PALM2AKAP2: variants seen among roughly 807,000 people sequenced by gnomAD.
PALM2AKAP2 encodes the protein PALM2 and AKAP2 fusion, also known as PALM2-AKAP2 fusion protein.
PALM2AKAP2 carries 37 observed loss-of-function variants against 71.5 expected under a neutral mutation model. The ratio of observed to expected loss-of-function variants is 0.52; its 90% CI spans 0.40 to 0.68. The LOEUF (loss-of-function observed/expected upper bound fraction) is 0.68. PALM2AKAP2 is among the 30% of genes least tolerant of loss of function. The probability of loss-of-function intolerance (pLI) is 0.00; values close to 1 mark genes in which losing one functional copy is unlikely to be tolerated. For synonymous variants in PALM2AKAP2, 468 were observed against 478.8 expected, an observed-to-expected ratio of 0.98 and a Z score of 0.29; for missense variants, 1,224 against 1,191.8, an observed-to-expected ratio of 1.03 and a Z score of -0.40.
chr9:110,103,211 CACA>C (rs1473693703), intron 1 of PALM2AKAP2, among the ~76,000 whole-genome samples: 1 of 152,152 alleles, frequency 6.6e-6, no homozygotes, highest in Non-Finnish European at 1.5e-5. Flanking sequence ...TTTGTTTTTT[CACA>C]ACAATAAATT....
chr9:110,034,593 C>T (rs923059601), intron 7 of PALM2AKAP2, among the ~76,000 whole-genome samples: 1 of 149,954 alleles, frequency 6.7e-6, no homozygotes, highest in South Asian at 2.1e-4. Context: ...ACTATCAAGC[C>T]ATATATTCCC....
chr9:109,821,333 A>AAACAAC (rs529697209), intron 1 of PALM2AKAP2, among the ~76,000 whole-genome samples: 2 of 152,224 alleles, frequency 1.3e-5, no homozygotes, highest in African/African-American at 4.8e-5. Flanking sequence ...AATTATAATG[A>AAACAAC]AACAACAACA....
intron 1 of PALM2AKAP2, among the ~76,000 whole-genome samples, chr9:109,793,926 T>G (rs1445251549): frequency 1.3e-5 from 2 of 152,220 alleles, no homozygotes; most frequent in Non-Finnish European, 2.9e-5. Flanking sequence ...GGTGAATAAT[T>G]AAAACAGAGA....
chr9:109,723,711 C>T (rs1828436779), intron 1 of PALM2AKAP2, among the ~76,000 whole-genome samples: 1 of 152,174 alleles, frequency 6.6e-6, no homozygotes, highest in Admixed American at 6.5e-5. Context: ...TTCAGTATGG[C>T]TGAAGTACAC....
chr9:109,650,523 C>A (rs1441092941), intron 1 of PALM2AKAP2, among the ~76,000 whole-genome samples: 1 of 152,146 alleles, frequency 6.6e-6, no homozygotes, highest in African/African-American at 2.4e-5. Flanking sequence ...CTCAAGAGAT[C>A]TTCTTGCCGC....
chr9:109,806,269 G>A (rs1185964936), intron 1 of PALM2AKAP2, among the ~76,000 whole-genome samples: 3 of 152,134 alleles, frequency 2.0e-5, no homozygotes, highest in Non-Finnish European at 4.4e-5. Flanking sequence ...AGTTTTACTA[G>A]TTTAACTCAT....
chr9:109,646,874 G>T (rs1206924840), intron 1 of PALM2AKAP2, among the ~76,000 whole-genome samples: 1 of 152,182 alleles, frequency 6.6e-6, no homozygotes, highest in Non-Finnish European at 1.5e-5. Flanking sequence ...CGTGTGCTCA[G>T]CATATGGTGG....
In PALM2AKAP2 at chr9:109,717,910, AAAGT is replaced by A. The variant is rs1194650488; in HGVS notation, c.6-62574_6-62571del. ...AGAATCTTGTAGACATGAAAGAGAG[AAAGT>A]AAGAGAGATAAAAGGAGATATGTGG... is the stretch of plus-strand genomic sequence containing the variant. On this transcript the variant is annotated intron_variant, in intron 1 of 6. Coordinates refer to the PALM2AKAP2 transcript ENST00000374531. 1.3e-4 allele frequency among the ~76,000 whole-genome samples: 20 copies of A among 152,322 alleles called. No homozygotes were observed. In the East Asian group the frequency reaches 3.9e-3, roughly 29 times the overall value.
chr9:109,760,108 G>A (rs1829029228), intron 1 of PALM2AKAP2, among the ~76,000 whole-genome samples: 1 of 152,084 alleles, frequency 6.6e-6, no homozygotes, highest in South Asian at 2.1e-4. Context: ...TGCCCCTATA[G>A]TTTTGCCTAT....
At chr9:110,014,809 TA>T (rs1832949512) in intron 6 of PALM2AKAP2, among the ~76,000 whole-genome samples, 1 of 5,182 alleles carries the variant, frequency 1.9e-4, no homozygotes, top group Non-Finnish European at 4.9e-4. Flanking sequence ...AAAAAATGTA[TA>T]TATATATATA....
chr9:110,074,871 C>T (rs926821343), intron 1 of PALM2AKAP2, among the ~76,000 whole-genome samples: 17 of 151,926 alleles, frequency 1.1e-4, no homozygotes, highest in Non-Finnish European at 1.8e-4. Flanking sequence ...GGTGTGGTGG[C>T]GTGTGCCTGT....
At chr9:109,769,213 T>C (rs1829214921) in intron 1 of PALM2AKAP2, among the ~76,000 whole-genome samples, 1 of 152,212 alleles carries the variant, frequency 6.6e-6, no homozygotes, top group Non-Finnish European at 1.5e-5. Context: ...CCTATGCACA[T>C]TATTTTTCCC....
intron 1 of PALM2AKAP2, among the ~76,000 whole-genome samples, chr9:109,764,466 G>A (rs994187): frequency 0.82 from 125,298 of 152,178 alleles, 52,340 homozygotes; most frequent in East Asian, 1. Flanking sequence ...CATCCTTGAA[G>A]TTCAGTTCTT....
chr9:109,998,285 A>C (rs1370977223), intron 6 of PALM2AKAP2, among the ~76,000 whole-genome samples: 1 of 152,126 alleles, frequency 6.6e-6, no homozygotes, highest in African/African-American at 2.4e-5. Context: ...AGACTTTGAC[A>C]ACTTATTTTC....
At chr9:109,981,452 A>G (rs1230288299) in intron 6 of PALM2AKAP2, among the ~76,000 whole-genome samples, 1 of 152,152 alleles carries the variant, frequency 6.6e-6, no homozygotes, top group Non-Finnish European at 1.5e-5. Flanking sequence ...TTGTCTAGGG[A>G]GCAGAGGCCT....
chr9:109,927,492 C>T (rs1228378449), intron 5 of PALM2AKAP2, among the ~76,000 whole-genome samples: 1 of 152,192 alleles, frequency 6.6e-6, no homozygotes, highest in Non-Finnish European at 1.5e-5. Flanking sequence ...TGTAACTATA[C>T]AGACACTGCA....
At position 109,847,987 on chromosome 9, in the gene PALM2AKAP2, CCTCTCATT is replaced by C. The variant is rs544935110; in HGVS notation, c.46-19501_46-19494del. Among the ~76,000 whole-genome samples the C allele has an allele frequency of 2.6e-5, 4 of 152,334 alleles. No individual in the cohort carries two copies. In the South Asian group the frequency reaches 8.3e-4, roughly 32 times the overall value. On this transcript the variant is annotated intron_variant, in intron 1 of 9. Transcript: ENST00000302798. The stretch of plus-strand genomic sequence containing the variant: ...AACTCATAGAATACACTCCTCTCAT[CCTCTCATT>C]CTTTCCCCCACCCATTGGCTTATAA...
chr9:109,997,612 G>A (rs1444113642), intron 6 of PALM2AKAP2, among the ~76,000 whole-genome samples: 1 of 152,228 alleles, frequency 6.6e-6, no homozygotes, highest in Admixed American at 6.5e-5. Flanking sequence ...ATAACCTATG[G>A]TGAGTTCGAG....
At chr9:109,917,254 G>A (rs893648497) in intron 3 of PALM2AKAP2, among the ~76,000 whole-genome samples, 1 of 152,196 alleles carries the variant, frequency 6.6e-6, no homozygotes, top group Admixed American at 6.5e-5. Flanking sequence ...CCTAGAGCCT[G>A]CAGAAGGGAA....
Sources: allele counts gnomAD v4.1 joint callset (sites outside exome capture counted in the v4.1 genomes callset), GRCh38; gene constraint gnomAD v4.1.1; transcripts MANE v1.5; gene names NCBI Gene and HGNC (gene_info 2026-07-23, HGNC 2026-07-21).